TMTC2: variants seen among roughly 807,000 people sequenced by gnomAD.
TMTC2 encodes the protein transmembrane O-mannosyltransferase targeting cadherins 2, also known as protein O-mannosyl-transferase TMTC2.
TMTC2 carries 43 observed loss-of-function variants against 82.4 expected under a neutral mutation model. The ratio of observed to expected loss-of-function variants is 0.52; its 90% CI spans 0.41 to 0.67. The LOEUF (loss-of-function observed/expected upper bound fraction) is 0.67, where lower values mean the gene tolerates loss of function less well. TMTC2 is among the 30% of genes least tolerant of loss of function. TMTC2 has a pLI of 0.00. For missense variants in TMTC2, 919 were observed against 1,012.4 expected (o/e 0.91, Z 1.25); for synonymous variants, 408 against 381.9 (o/e 1.07, Z -0.80).
intron 1 of TMTC2, among the ~76,000 whole-genome samples, chr12:82,774,229 A>G (rs1479718910): frequency 1.3e-5 from 2 of 152,138 alleles, no homozygotes; most frequent in Non-Finnish European, 2.9e-5. Context: ...GTATATGTGT[A>G]TATATGTGTA....
intron 1 of TMTC2, among the ~76,000 whole-genome samples, chr12:82,849,135 G>A (rs1870839551): frequency 6.6e-6 from 1 of 152,024 alleles, no homozygotes; most frequent in African/African-American, 2.4e-5. Flanking sequence ...AGGAGTGCTG[G>A]TATTAGAGTT....
At chr12:82,995,869 T>C (rs1167281739) in intron 8 of TMTC2, among the ~76,000 whole-genome samples, 1 of 152,200 alleles carries the variant, frequency 6.6e-6, no homozygotes, top group Non-Finnish European at 1.5e-5. Context: ...CCTCCTTGGC[T>C]CAAGCTGTCC....
intron 11 of TMTC2, among the ~76,000 whole-genome samples, chr12:83,100,773 G>T: frequency 6.6e-6 from 1 of 151,860 alleles, no homozygotes; most frequent in East Asian, 1.9e-4. Flanking sequence ...TACTATTTTT[G>T]TCATTAACAA....
At chr12:83,026,454 G>A (rs1881180665) in intron 8 of TMTC2, among the ~76,000 whole-genome samples, 1 of 151,906 alleles carries the variant, frequency 6.6e-6, no homozygotes, top group Admixed American at 6.6e-5. Context: ...ATAATGCAAT[G>A]CAACAATGTA....
intron 8 of TMTC2, among the ~76,000 whole-genome samples, chr12:83,019,019 T>G (rs1880799510): frequency 6.6e-6 from 1 of 152,076 alleles, no homozygotes; most frequent in Non-Finnish European, 1.5e-5. Flanking sequence ...AGGAATCAAG[T>G]GTTGTTAGAG....
In TMTC2 at chr12:82,812,157, C is replaced by G. The variant is rs985909656; in HGVS notation, c.84-44853C>G. 4.6e-5 allele frequency among the ~76,000 whole-genome samples: 7 copies of G among 152,180 alleles called. No individual in the cohort carries two copies. In the East Asian group the frequency reaches 1.3e-3, roughly 29 times the overall value. ...ACACATCTGAAACTTTAAGAGAATG[C>G]TAGTACCATAATTTTTCTTTTTAAG... On this transcript the variant is annotated intron_variant, in intron 1 of 11. Coordinates refer to ENST00000321196, the MANE Select transcript of TMTC2 (RefSeq NM_152588.3).
At chr12:82,969,459 G>A (rs1038543332) in intron 7 of TMTC2, among the ~76,000 whole-genome samples, 3 of 151,766 alleles carry the variant, frequency 2.0e-5, no homozygotes, top group East Asian at 1.9e-4. Flanking sequence ...AGGAGTGTGC[G>A]TGAAAAAATA....
intron 8 of TMTC2, among the ~76,000 whole-genome samples, chr12:83,017,168 G>C (rs1352863885): frequency 6.6e-6 from 1 of 152,140 alleles, no homozygotes; most frequent in Non-Finnish European, 1.5e-5. Context: ...GACAGCTGAG[G>C]TCACAGTAAG....
At chr12:82,729,006 C>T (rs888895786) in intron 1 of TMTC2, among the ~76,000 whole-genome samples, 3 of 152,222 alleles carry the variant, frequency 2.0e-5, no homozygotes, top group Non-Finnish European at 4.4e-5. Context: ...AGCCTCCGCC[C>T]TCACCCTGCG....
chr12:82,697,325 A>G (rs1457353430), intron 1 of TMTC2, among the ~76,000 whole-genome samples: 1 of 138,892 alleles, frequency 7.2e-6, no homozygotes, highest in Non-Finnish European at 1.5e-5. Flanking sequence ...GCCTGGTGAC[A>G]GCCTGTCTCA....
intron 11 of TMTC2, among the ~76,000 whole-genome samples, chr12:83,080,257 CT>C (rs1474749763): frequency 6.6e-6 from 1 of 152,004 alleles, no homozygotes; most frequent in Non-Finnish European, 1.5e-5. Flanking sequence ...AGTTAGGAAT[CT>C]TTTTTACACA....
intron 1 of TMTC2, among the ~76,000 whole-genome samples, chr12:82,823,828 C>CA (rs902435413): frequency 4.0e-5 from 6 of 149,828 alleles, no homozygotes; most frequent in Admixed American, 1.3e-4. Context: ...CCCTCCACCA[C>CA]AAAAAAAATA....
chr12:82,907,235 G>A (rs1253236509), intron 3 of TMTC2, among the ~76,000 whole-genome samples: 2 of 151,868 alleles, frequency 1.3e-5, no homozygotes, highest in African/African-American at 4.8e-5. Context: ...AGGCCAAGTC[G>A]GGTGAATCAT....
At chr12:82,715,227 A>T (rs1462409914) in intron 1 of TMTC2, among the ~76,000 whole-genome samples, 1 of 151,382 alleles carries the variant, frequency 6.6e-6, no homozygotes, top group Non-Finnish European at 1.5e-5. Context: ...CCAAGACGAG[A>T]TCACGCCACT....
intron 3 of TMTC2, among the ~76,000 whole-genome samples, chr12:82,900,772 G>GTA (rs201058217): frequency 2.5e-5 from 3 of 118,232 alleles, no homozygotes; most frequent in East Asian, 2.3e-4. Flanking sequence ...ATATAGAGAG[G>GTA]TATATATATA....
At chr12:83,102,637 A>G (rs1884258407) in intron 11 of TMTC2, among the ~76,000 whole-genome samples, 1 of 152,226 alleles carries the variant, frequency 6.6e-6, no homozygotes, top group Non-Finnish European at 1.5e-5. Context: ...AACAAAGTGG[A>G]GTATTTCCAA....
At chr12:82,911,734 T>C (rs1336980365) in intron 3 of TMTC2, among the ~76,000 whole-genome samples, 1 of 152,096 alleles carries the variant, frequency 6.6e-6, no homozygotes, top group Non-Finnish European at 1.5e-5. Context: ...CCCCAGTAGC[T>C]GGAATTACAG....
intron 11 of TMTC2, among the ~76,000 whole-genome samples, chr12:83,123,990 TG>T (rs1297492667): frequency 6.6e-6 from 1 of 152,202 alleles, no homozygotes; most frequent in Non-Finnish European, 1.5e-5. Context: ...TGCACTGGAC[TG>T]TAAACTCCTT....
intron 1 of TMTC2, among the ~76,000 whole-genome samples, chr12:82,712,043 C>A (rs1873649761): frequency 6.6e-6 from 1 of 152,142 alleles, no homozygotes; most frequent in Non-Finnish European, 1.5e-5. Flanking sequence ...TTATCTTCCT[C>A]CATTCTCTCC....
Sources: gnomAD v4.1 joint callset for allele counts (sites outside exome capture counted in the v4.1 genomes callset) on GRCh38, gnomAD v4.1.1 for gene constraint, MANE v1.5 for transcripts, NCBI Gene and HGNC (gene_info 2026-07-23, HGNC 2026-07-21) for gene names.